Variants in ATP11A observed in about 807,000 individuals in gnomAD.
The protein encoded by ATP11A is phospholipid-transporting ATPase IH.
ATP11A carries 81 observed loss-of-function variants against 154.4 expected under a neutral mutation model. The observed-to-expected ratio is 0.52, with a 90% CI of 0.44 to 0.63. The LOEUF (loss-of-function observed/expected upper bound fraction) is 0.63. Among genes scored for constraint, ATP11A ranks in the 30% least tolerant of loss-of-function variants. The pLI, the probability that ATP11A is intolerant of heterozygous loss-of-function variation, is 0.00. For missense variants in ATP11A, 1,316 were observed against 1,474.3 expected, an observed-to-expected ratio of 0.89 and a Z score of 1.76; for synonymous variants, 623 against 585.9, an observed-to-expected ratio of 1.06 and a Z score of -0.91.
chr13:112,808,982 C>T (rs1222531623), intron 4 of ATP11A, among the ~76,000 whole-genome samples: 3 of 152,198 alleles, frequency 2.0e-5, no homozygotes, highest in East Asian at 3.9e-4. Flanking sequence ...TCCCGCAGCC[C>T]GGGCGCTAGG....
intron 6 of ATP11A, among the ~76,000 whole-genome samples, chr13:112,817,016 T>G (rs1402440952): frequency 6.6e-6 from 1 of 152,236 alleles, no homozygotes; most frequent in Non-Finnish European, 1.5e-5. Flanking sequence ...TTTCTGAAAT[T>G]ACTACATAAG....
chr13:112,873,511 C>G, intron 26 of ATP11A, 62 bp from the exon 27 acceptor site: 1 of 1,299,390 alleles, frequency 7.7e-7, no homozygotes, highest in South Asian at 1.4e-5. Flanking sequence ...CTGTCCTGCC[C>G]ATCACGATCA....
intron 8 of ATP11A, among the ~76,000 whole-genome samples, chr13:112,822,825 A>G (rs1308669289): frequency 1.3e-5 from 2 of 151,532 alleles, no homozygotes; most frequent in Non-Finnish European, 2.9e-5. Flanking sequence ...TAGCCTTTCC[A>G]GAACATTCTG....
At chr13:112,722,109 A>G (rs1441444508) in intron 1 of ATP11A, among the ~76,000 whole-genome samples, 4 of 152,160 alleles carry the variant, frequency 2.6e-5, no homozygotes, top group Non-Finnish European at 5.9e-5. Context: ...TGAGCCAAAT[A>G]TGAGTGACCA....
chr13:112,820,022 C>T lies in ATP11A; in HGVS notation c.725+72C>T, dbSNP rs1022739210. 8.5e-6 allele frequency: 12 copies of T among 1,419,856 alleles called. No homozygotes were observed. The African/African-American group carries it at 1.8e-4, about 21-fold the overall frequency. The allele number at this position is 1,419,856 out of a possible 1,614,324, so 88.0% of individuals were successfully genotyped here. The stretch of plus-strand genomic sequence containing the variant: ...CGTTAGAAATGCATTCTTTGACGGA[C>T]AAGGGTTTCCACGGCGGCTGCTCTG... On this transcript the variant is annotated intron_variant, in intron 8 of 29. Coordinates refer to ENST00000375645, the MANE Select transcript of ATP11A (RefSeq NM_015205.3).
chr13:112,800,216 GA>G (rs35798419), intron 2 of ATP11A, among the ~76,000 whole-genome samples: 90,819 of 149,108 alleles, frequency 0.61, 28,359 homozygotes, highest in African/African-American at 0.78. Context: ...CTGGTTCTTT[GA>G]AAAAAAAAAA....
At chr13:112,719,214 C>T (rs2139621366) in intron 1 of ATP11A, among the ~76,000 whole-genome samples, 1 of 152,196 alleles carries the variant, frequency 6.6e-6, no homozygotes, top group South Asian at 2.1e-4. Context: ...CAGGGGCCCT[C>T]AGGATGCCCT....
intron 1 of ATP11A, among the ~76,000 whole-genome samples, chr13:112,757,387 G>C (rs959035825): frequency 4.6e-5 from 7 of 152,252 alleles, no homozygotes; most frequent in Admixed American, 2.6e-4. Flanking sequence ...CTTGTTTTCC[G>C]AGTCTCTTAG....
At chr13:112,852,573 CCAGT>C (rs900082217) in intron 18 of ATP11A, among the ~76,000 whole-genome samples, 1 of 152,168 alleles carries the variant, frequency 6.6e-6, no homozygotes, top group Non-Finnish European at 1.5e-5. Flanking sequence ...GCTCTAGTGG[CCAGT>C]CACTCACCTG....
intron 27 of ATP11A, among the ~76,000 whole-genome samples, chr13:112,874,414 G>A (rs1462471520): frequency 6.6e-6 from 1 of 152,220 alleles, no homozygotes; most frequent in African/African-American, 2.4e-5. Context: ...CCCCACGGTG[G>A]CTGCGTGTTG....
intron 1 of ATP11A, among the ~76,000 whole-genome samples, chr13:112,768,243 G>A (rs368518654): frequency 2.0e-5 from 3 of 152,358 alleles, no homozygotes; most frequent in Non-Finnish European, 4.4e-5. Context: ...AGCCCCAGGC[G>A]CCCGCCTCCA....
intron 17 of ATP11A, among the ~76,000 whole-genome samples, chr13:112,849,017 G>A (rs917310862): frequency 6.6e-6 from 1 of 152,180 alleles, no homozygotes; most frequent in African/African-American, 2.4e-5. Context: ...TTTTTACCAC[G>A]TTGAGGAGGT....
chr13:112,864,150 G>A (rs1419858045), intron 25 of ATP11A, among the ~76,000 whole-genome samples: 24 of 100,992 alleles, frequency 2.4e-4, no homozygotes, highest in African/African-American at 4.8e-4. Flanking sequence ...TCCCAGCGGG[G>A]TCCATCACCA....
At chr13:112,708,915 G>T (rs1460569954) in intron 1 of ATP11A, among the ~76,000 whole-genome samples, 2 of 152,242 alleles carry the variant, frequency 1.3e-5, no homozygotes, top group Non-Finnish European at 2.9e-5. Flanking sequence ...GGCCAAGGAA[G>T]AGAGAGTGAT....
intron 1 of ATP11A, among the ~76,000 whole-genome samples, chr13:112,761,802 G>A (rs2076970993): frequency 6.6e-6 from 1 of 152,246 alleles, no homozygotes; most frequent in Non-Finnish European, 1.5e-5. Flanking sequence ...GTCAGCCGGT[G>A]TGGCCCCGGC....
chr13:112,739,613 G>T (rs1448400265), intron 1 of ATP11A, among the ~76,000 whole-genome samples: 3 of 152,206 alleles, frequency 2.0e-5, no homozygotes, highest in Admixed American at 1.3e-4. Flanking sequence ...GCAATTCCAC[G>T]CCTAAATATG....
At chr13:112,852,503 A>G (rs556530537) in intron 18 of ATP11A, among the ~76,000 whole-genome samples, 33 of 152,316 alleles carry the variant, frequency 2.2e-4, no homozygotes, top group South Asian at 2.1e-3. Context: ...GCACGTGGGA[A>G]GGCTTCAGAG....
At chr13:112,719,147 C>A (rs1888855207) in intron 1 of ATP11A, among the ~76,000 whole-genome samples, 1 of 151,778 alleles carries the variant, frequency 6.6e-6, no homozygotes, top group South Asian at 2.1e-4. Flanking sequence ...CCTCAGGATG[C>A]CCTGTGACGC....
intron 1 of ATP11A, among the ~76,000 whole-genome samples, chr13:112,784,678 A>G (rs913063413): frequency 7.3e-5 from 11 of 151,694 alleles, no homozygotes; most frequent in African/African-American, 2.4e-4. Context: ...GCCCACCACC[A>G]CACCCGGCTA....
Sources: allele counts gnomAD v4.1 joint callset (sites outside exome capture counted in the v4.1 genomes callset), GRCh38; gene constraint gnomAD v4.1.1; transcripts MANE v1.5; gene names NCBI Gene and HGNC (gene_info 2026-07-23, HGNC 2026-07-21).